The following TMEM63B variants were observed in gnomAD, a reference collection of about 807,000 sequenced individuals.
The protein encoded by TMEM63B is mechanosensitive cation channel TMEM63B.
TMEM63B carries 23 observed loss-of-function variants against 102.6 expected under a neutral mutation model. The observed-to-expected ratio is 0.22, with a 90% CI of 0.16 to 0.32. The LOEUF (loss-of-function observed/expected upper bound fraction) is 0.32, where lower values mean the gene tolerates loss of function less well. Ranked by LOEUF, TMEM63B falls within the 10% of genes least tolerant of loss-of-function variation. The pLI is 1.00. For synonymous variants in TMEM63B, 444 were observed against 437.0 expected (o/e 1.02, Z -0.20); for missense variants, 628 against 1,095.9 (o/e 0.57, Z 6.03).
chr6:44,131,880 A>G (rs1778355546), intron 1 of TMEM63B, among the ~76,000 whole-genome samples: 1 of 152,190 alleles, frequency 6.6e-6, no homozygotes, highest in South Asian at 2.1e-4. Flanking sequence ...ATATCAGACT[A>G]GAGAAACTGG....
intron 1 of TMEM63B, among the ~76,000 whole-genome samples, chr6:44,129,379 AAAAG>A (rs1181941277): frequency 4.6e-5 from 7 of 151,894 alleles, no homozygotes; most frequent in South Asian, 2.1e-4. Context: ...AAAAAAAAAA[AAAAG>A]AAAGAAAAGA....
chr6:44,150,246 A>G lies in TMEM63B; in HGVS notation c.1543A>G (p.Met515Val). 1.2e-6 allele frequency: 2 copies of G among 1,614,062 alleles called. No individual in the cohort carries two copies. The highest frequency in any genetic ancestry group is 1.3e-5 in the African/African-American group (1 of 75,046). ...CAGCTCTGGGGAGAACAGGACAACC[A>G]TGCACAAGTGCTACACTTTCCTCAT... is the stretch of plus-strand genomic sequence containing the variant. Reference protein sequence around the residue: ...WTRSGENRTTMHKCYTFLIFM... With the variant: ...WTRSGENRTTVHKCYTFLIFM... Residue 515 changes from methionine (M) to valine (V), a missense_variant, in exon 17 of 24, where the codon ATG becomes GTG. By Grantham distance (21) the Met-to-Val change is conservative (BLOSUM62 1). Around this residue, in one of 6 missense-constraint regions of TMEM63B, gnomAD observed 61 missense variants for 176.0 expected, o/e 0.35. Transcript: ENST00000323267. This position sits in a 1 kb window ranked among gnomAD's most constrained non-coding sequence, Gnocchi z 4.7.
At chr6:44,127,509 G>C (rs1777357917), upstream of TMEM63B, 1 of 149,614 alleles carries the variant, frequency 6.7e-6, no homozygotes, top group Non-Finnish European at 1.5e-5. Context: ...CGGGACCTGC[G>C]GGGCTCCGCC....
chr6:44,141,643 T>G (rs983601704), intron 10 of TMEM63B, among the ~76,000 whole-genome samples: 3 of 152,156 alleles, frequency 2.0e-5, no homozygotes, highest in Non-Finnish European at 2.9e-5. Context: ...ACCCCATGGC[T>G]AGGGATGCAC....
intron 21 of TMEM63B, 65 bp downstream of exon 21, chr6:44,153,908 A>G (rs1767385861): frequency 1.3e-6 from 2 of 1,584,524 alleles, no homozygotes; most frequent in Non-Finnish European, 8.6e-7. Context: ...AGAGCAGGCC[A>G]CAGGAGAAGC....
chr6:44,138,652 A>G, intron 6 of TMEM63B, 135 bp downstream of exon 6: 1 of 1,023,740 alleles, frequency 9.8e-7, no homozygotes, highest in East Asian at 2.6e-5. Context: ...CCCTGCTCTC[A>G]AAGGCCAAGC....
chr6:44,152,819 G>A lies in TMEM63B; in HGVS notation c.1942+121G>A, dbSNP rs1440355094. 2.6e-5 allele frequency: 21 copies of A among 797,836 alleles called. No individual in the cohort carries two copies. Among genetic ancestry groups the A allele is most frequent in the Admixed American group, 4.9e-5 (2 of 41,004 alleles). 49.4% of individuals were successfully genotyped at this position (797,836 alleles called of 1,614,324 possible). A position where few individuals can be genotyped will look rare whatever the true frequency, so the allele number is the denominator to read the frequency against. On this transcript the variant is annotated intron_variant, in intron 20 of 23. Coordinates refer to ENST00000323267, the MANE Select transcript of TMEM63B (RefSeq NM_018426.3). This position sits in a 1 kb window ranked among gnomAD's most constrained non-coding sequence, Gnocchi z 6.4. ...GGCCCGGCTGGGAGACCGGCCCCTC[G>A]GGGCTCCCGCCCGGTCCCTGGCTCA...
chr6:44,153,619 A>T, intron 20 of TMEM63B, 57 bp from the exon 21 acceptor site: 1 of 1,573,682 alleles, frequency 6.4e-7, no homozygotes, highest in Non-Finnish European at 8.6e-7. Flanking sequence ...TGTGACAGAC[A>T]CACAAAAGGT....
rs968252287 is a variant in TMEM63B, at chr6:44,138,734, C to T, written c.407+217C>T. ...CATAATCTCCTCTGTGACCCCCTGC[C>T]GGCCCCCCCGCTTCTCTCCCTGCCC... On this transcript the variant is annotated intron_variant, in intron 6 of 23. Transcript: ENST00000323267. 5.1e-5 allele frequency: 23 copies of T among 453,060 alleles called. 3 individuals carry two copies. The highest frequency in any genetic ancestry group is 7.2e-5 in the Non-Finnish European group (18 of 248,492). The allele number at this position is 453,060 out of a possible 1,614,324, so 28.1% of individuals were successfully genotyped here.
At chr6:44,128,095 C>T (rs1777553918) in intron 1 of TMEM63B, among the ~76,000 whole-genome samples, 2 of 152,182 alleles carry the variant, frequency 1.3e-5, no homozygotes, top group East Asian at 3.9e-4. Flanking sequence ...GAGTTTTGGA[C>T]CCCGGGGTCG....
intron 5 of TMEM63B, among the ~76,000 whole-genome samples, chr6:44,136,817 C>T (rs967129315): frequency 3.3e-5 from 5 of 152,322 alleles, no homozygotes; most frequent in East Asian, 1.9e-4. Flanking sequence ...GAGGCCGAGG[C>T]GGGAGGATCA....
intron 10 of TMEM63B, among the ~76,000 whole-genome samples, chr6:44,142,752 G>C (rs1266000070): frequency 6.6e-5 from 10 of 152,028 alleles, no homozygotes; most frequent in Admixed American, 1.3e-4. Context: ...GTTTAGGCCA[G>C]GTGTGGTGGC....
intron 6 of TMEM63B, chr6:44,138,860 A>G (rs1029697576): frequency 6.3e-5 from 21 of 332,460 alleles, no homozygotes; most frequent in African/African-American, 4.4e-4. Context: ...AGCTGCAGGC[A>G]GAACTCAGGA....
At chr6:44,145,355 C>G (rs1274307948) in intron 10 of TMEM63B, among the ~76,000 whole-genome samples, 1 of 150,324 alleles carries the variant, frequency 6.7e-6, no homozygotes, top group Non-Finnish European at 1.5e-5. Flanking sequence ...CCAGGGCGGG[C>G]CAATCACCTG....
intron 10 of TMEM63B, among the ~76,000 whole-genome samples, chr6:44,144,392 C>T (rs1180876452): frequency 2.0e-5 from 3 of 152,100 alleles, no homozygotes; most frequent in African/African-American, 7.2e-5. Context: ...AGAATGAGAG[C>T]TCACCCTTCC....
At chr6:44,135,665 A>G (rs543810857) in intron 4 of TMEM63B, among the ~76,000 whole-genome samples, 8 of 152,196 alleles carry the variant, frequency 5.3e-5, no homozygotes, top group African/African-American at 1.9e-4. Flanking sequence ...CCTCCAGGAA[A>G]TCCTCAGCAC....
intron 2 of TMEM63B, 121 bp downstream of exon 2, chr6:44,134,864 C>A (rs551299979): frequency 6.7e-7 from 1 of 1,490,858 alleles, no homozygotes; most frequent in Non-Finnish European, 9.2e-7. Context: ...AGGAGGAGTC[C>A]CCATCATCCA....
chr6:44,152,059 A>T lies in TMEM63B; in HGVS notation c.1836+51A>T, dbSNP rs746636955. On this transcript the variant is annotated intron_variant, in intron 19 of 23. Coordinates refer to ENST00000323267, the MANE Select transcript of TMEM63B (RefSeq NM_018426.3). The surrounding 1 kb of genome is among the most constrained non-coding windows in gnomAD (Gnocchi z 6.4). ...CCCGCACAGCGCCCCCTGGTGGCCC[A>T]ACAAGAAACAGCAGCCATCGCGCTA... 1.9e-5 allele frequency: 29 copies of T among 1,532,704 alleles called. No homozygotes were observed. The highest frequency in any genetic ancestry group is 2.0e-4 in the Middle Eastern group (1 of 4,964). The allele number at this position is 1,532,704 out of a possible 1,614,324, so 94.9% of individuals were successfully genotyped here.
At chr6:44,139,780 G>T (rs1405356021) in intron 8 of TMEM63B, 21 bp downstream of exon 8, 1 of 1,614,150 alleles carries the variant, frequency 6.2e-7, no homozygotes. Flanking sequence ...AAGCTGGTCG[G>T]CCAGGCCAAG....
Sources: gnomAD v4.1 joint callset for allele counts (sites outside exome capture counted in the v4.1 genomes callset) on GRCh38, gnomAD v4.1.1 for gene constraint, gnomAD v4.1.1 regional missense constraint, Gnocchi (gnomAD v3.1) non-coding constraint, MANE v1.5 for transcripts, NCBI Gene and HGNC (gene_info 2026-07-23, HGNC 2026-07-21) for gene names.